NLK: variants seen among roughly 807,000 people sequenced by gnomAD.
NLK encodes serine/threonine-protein kinase NLK.
NLK carries 11 observed loss-of-function variants against 59.0 expected under a neutral mutation model. The observed-to-expected ratio is 0.19, with a 90% CI of 0.12 to 0.31. NLK has a LOEUF of 0.31. Among genes scored for constraint, NLK ranks in the 10% least tolerant of loss-of-function variants. The pLI is 1.00. For synonymous variants in NLK, 235 were observed against 235.9 expected (o/e 1.00, Z 0.03); for missense variants, 410 against 661.1 (o/e 0.62, Z 4.16).
In NLK at chr17:28,132,084, T is replaced by C. The variant is rs1027859011; in HGVS notation, c.589-536T>C. On this transcript the variant is annotated intron_variant, in intron 2 of 10. Transcript: ENST00000407008. Reference sequence around the variant, plus strand: ...TAGAGTAGTGTTACTTTAGGGAAGCTTTTTCTCTCTACCCTTCTTTACATT... The same window carrying C: ...TAGAGTAGTGTTACTTTAGGGAAGCCTTTTCTCTCTACCCTTCTTTACATT... Among the ~76,000 whole-genome samples the C allele has an allele frequency of 5.9e-5, 9 of 152,280 alleles. No individual in the cohort carries two copies. The East Asian group carries it at 1.7e-3, about 29-fold the overall frequency.
chr17:28,075,459 T>C (rs1910133985), intron 1 of NLK, among the ~76,000 whole-genome samples: 1 of 152,214 alleles, frequency 6.6e-6, no homozygotes. Context: ...GAACAACTTG[T>C]ATGGCAACTT....
At chr17:28,091,492 C>T (rs1271666780) in intron 1 of NLK, among the ~76,000 whole-genome samples, 3 of 150,220 alleles carry the variant, frequency 2.0e-5, no homozygotes, top group East Asian at 3.9e-4. Flanking sequence ...TATATATATA[C>T]ACACACACAT....
At position 28,096,279 on chromosome 17, in the gene NLK, C is replaced by A. The variant is rs1182234921; in HGVS notation, c.459-26324C>A. Among the ~76,000 whole-genome samples, 3 of 152,044 alleles carry A rather than the reference C, an allele frequency of 2.0e-5. No individual in the cohort carries two copies. In the East Asian group the frequency reaches 5.8e-4, roughly 29 times the overall value. On this transcript the variant is annotated intron_variant, in intron 1 of 10. Coordinates refer to ENST00000407008, the MANE Select transcript of NLK (RefSeq NM_016231.5). ...CAAAATTCATAAGTCCTTGATTCTACTATGTAAAATTATAATTTTACACAA... is the reference window on the plus strand; with the variant it reads ...CAAAATTCATAAGTCCTTGATTCTAATATGTAAAATTATAATTTTACACAA...
intron 10 of NLK, 55 bp from the exon 11 acceptor site, chr17:28,194,527 C>A: frequency 7.8e-7 from 1 of 1,279,726 alleles, no homozygotes; most frequent in African/African-American, 1.5e-5. Flanking sequence ...TAGTGAATTA[C>A]CCTTTTGTCC....
At chr17:28,103,312 C>G (rs1318033151) in intron 1 of NLK, among the ~76,000 whole-genome samples, 3 of 152,168 alleles carry the variant, frequency 2.0e-5, no homozygotes, top group Non-Finnish European at 4.4e-5. Context: ...TGCATTTTTA[C>G]CATGATTTAA....
chr17:28,176,431 C>T (rs1908683054), intron 7 of NLK, among the ~76,000 whole-genome samples: 1 of 152,132 alleles, frequency 6.6e-6, no homozygotes, highest in Non-Finnish European at 1.5e-5. Context: ...TAGAACTTTG[C>T]TATGTGCTGA....
At chr17:28,158,551 T>C (rs1482014006) in intron 3 of NLK, among the ~76,000 whole-genome samples, 1 of 152,212 alleles carries the variant, frequency 6.6e-6, no homozygotes, top group Admixed American at 6.5e-5. Context: ...TTTCGAAACT[T>C]TTTAATTTTG....
chr17:28,061,857 TATATAC>T (rs1226204884), intron 1 of NLK: 12 of 145,582 alleles, frequency 8.2e-5, no homozygotes, highest in South Asian at 2.1e-4. Context: ...TAATATATAA[TATATAC>T]ATATACATAT....
chr17:28,083,755 C>T (rs1910423076), intron 1 of NLK, among the ~76,000 whole-genome samples: 2 of 152,216 alleles, frequency 1.3e-5, no homozygotes, highest in South Asian at 4.2e-4. Flanking sequence ...AATCTCTGGC[C>T]ATTCAATAGA....
At chr17:28,069,344 C>T (rs1408243221) in intron 1 of NLK, among the ~76,000 whole-genome samples, 1 of 152,148 alleles carries the variant, frequency 6.6e-6, no homozygotes, top group East Asian at 1.9e-4. Flanking sequence ...CAGTTTTAGA[C>T]TATTCTTACA....
chr17:28,132,700 G>A (rs1906571922), intron 3 of NLK, 25 bp downstream of exon 3: 1 of 1,576,108 alleles, frequency 6.3e-7, no homozygotes, highest in Admixed American at 1.7e-5. Flanking sequence ...GAATGTGAAA[G>A]AAGGGGACAA....
At chr17:28,050,491 G>C (rs1160395204) in intron 1 of NLK, among the ~76,000 whole-genome samples, 1 of 152,104 alleles carries the variant, frequency 6.6e-6, no homozygotes, top group African/African-American at 2.4e-5. Context: ...TTTTACGAGG[G>C]GATGATTAGG....
chr17:28,077,682 C>T (rs1183821233), intron 1 of NLK, among the ~76,000 whole-genome samples: 3 of 151,892 alleles, frequency 2.0e-5, no homozygotes, highest in African/African-American at 4.8e-5. Flanking sequence ...AGTTTGATGC[C>T]GAGAATGCCA....
At chr17:28,181,120 T>G (rs779960919) in intron 7 of NLK, among the ~76,000 whole-genome samples, 63 of 151,788 alleles carry the variant, frequency 4.2e-4, no homozygotes, top group Admixed American at 7.2e-4. Context: ...TTAGTGAGGG[T>G]GGGTGCGGTG....
chr17:28,081,667 C>T (rs1449935987), intron 1 of NLK, among the ~76,000 whole-genome samples: 1 of 152,150 alleles, frequency 6.6e-6, no homozygotes, highest in African/African-American at 2.4e-5. Flanking sequence ...GGGCCAATGA[C>T]GTGTACACTG....
At chr17:28,127,922 T>C (rs1278671757) in intron 2 of NLK, among the ~76,000 whole-genome samples, 1 of 151,950 alleles carries the variant, frequency 6.6e-6, no homozygotes, top group Non-Finnish European at 1.5e-5. Context: ...GATAGACAGA[T>C]AGATTAATGG....
rs762227544 is a variant in NLK, at chr17:28,132,625, C to G, written c.594C>G (p.Leu198=). 2 of 1,608,476 alleles carry G rather than the reference C, an allele frequency of 1.2e-6. No individual in the cohort carries two copies. Among genetic ancestry groups the G allele is most frequent in the African/African-American group, 1.3e-5 (1 of 74,908 alleles). The change falls in exon 3 of 11, where the codon CTC becomes CTG. Residue 198 remains leucine, a synonymous_variant. Coordinates refer to ENST00000407008, the MANE Select transcript of NLK (RefSeq NM_016231.5). Reference sequence around the variant, plus strand: ...TTTTTTTTTCCTTTTCTCAGGTACTCTCTGCCCTTGACATACTCCAACCTC... The same window carrying G: ...TTTTTTTTTCCTTTTCTCAGGTACTGTCTGCCCTTGACATACTCCAACCTC... The part of the protein sequence containing the change: ...MLCFFKHDNV[L]SALDILQPPH...
intron 1 of NLK, among the ~76,000 whole-genome samples, chr17:28,068,752 T>G (rs568762368): frequency 1.7e-4 from 26 of 152,312 alleles, no homozygotes; most frequent in African/African-American, 6.0e-4. Context: ...TGATCATAGC[T>G]CACTGTAACC....
At chr17:28,145,980 A>G (rs1567727338) in intron 3 of NLK, among the ~76,000 whole-genome samples, 2 of 152,204 alleles carry the variant, frequency 1.3e-5, no homozygotes, top group African/African-American at 4.8e-5. Flanking sequence ...TGCTGGGATT[A>G]CAGGCATGAG....
Sources: gnomAD v4.1 joint callset for allele counts (sites outside exome capture counted in the v4.1 genomes callset) on GRCh38, gnomAD v4.1.1 for gene constraint, MANE v1.5 for transcripts, NCBI Gene and HGNC (gene_info 2026-07-23, HGNC 2026-07-21) for gene names.